Variants in STK35 observed in about 807,000 individuals in gnomAD.
STK35 encodes the protein serine/threonine kinase 35.
In STK35, 17 loss-of-function variants were observed where a neutral mutation model predicts 37.3. The observed-to-expected ratio is 0.46, with a 90% CI of 0.31 to 0.68. The LOEUF is 0.68. Among genes scored for constraint, STK35 ranks in the 30% least tolerant of loss-of-function variants. The pLI, the probability that STK35 is intolerant of heterozygous loss-of-function variation, is 0.05. For missense variants in STK35, 595 were observed against 746.7 expected (o/e 0.80, Z 2.37); for synonymous variants, 385 against 319.1 (o/e 1.21, Z -2.20).
chr20:2,141,737 G>A (rs1986175316), intron 3 of STK35, among the ~76,000 whole-genome samples: 1 of 152,138 alleles, frequency 6.6e-6, no homozygotes, highest in Admixed American at 6.5e-5. Context: ...TTATGGTCAT[G>A]CTGTGCGCTA....
At chr20:2,115,523 T>G (rs1027786101) in intron 2 of STK35, among the ~76,000 whole-genome samples, 2 of 152,096 alleles carry the variant, frequency 1.3e-5, no homozygotes, top group Non-Finnish European at 2.9e-5. Context: ...ATCAGTGAGA[T>G]AAAACATCTG....
intron 2 of STK35, among the ~76,000 whole-genome samples, chr20:2,112,051 C>T (rs1024527366): frequency 2.6e-5 from 4 of 152,248 alleles, no homozygotes; most frequent in African/African-American, 9.6e-5. Context: ...GGATGCCCCT[C>T]AGCTCACCGC....
chr20:2,104,212 C>G (rs1470569996), intron 2 of STK35, among the ~76,000 whole-genome samples: 1 of 152,122 alleles, frequency 6.6e-6, no homozygotes, highest in East Asian at 1.9e-4. Flanking sequence ...TACTCACAAG[C>G]CTTTTTCATA....
chr20:2,117,324 G>A lies in STK35; in HGVS notation c.1551G>A (p.Arg517=), dbSNP rs1329463823. ...KDMLAANPQD[R]PDAFELETRM... ...TGTTAGCTGCTAACCCACAGGACCG[G>A]CCTGATGCCTTTGAACTTGAAACCA... The change falls in exon 3 of 4, where the codon CGG becomes CGA. Residue 517 remains arginine (R), a synonymous_variant. Coordinates refer to ENST00000381482, the MANE Select transcript of STK35 (RefSeq NM_080836.4). This position sits in a 1 kb window ranked among gnomAD's most constrained non-coding sequence, Gnocchi z 4.4. The A allele has an allele frequency of 4.3e-6, 7 of 1,613,604 alleles. No homozygotes were observed. The highest frequency in any genetic ancestry group is 2.2e-5 in the South Asian group (2 of 91,072).
intron 3 of STK35, among the ~76,000 whole-genome samples, chr20:2,118,764 G>A (rs753424509): frequency 5.9e-5 from 9 of 152,224 alleles, no homozygotes; most frequent in Non-Finnish European, 1.0e-4. Context: ...ATATTATGGT[G>A]TATGTGTTAC....
chr20:2,111,976 C>T (rs189080041), intron 2 of STK35, among the ~76,000 whole-genome samples: 2 of 152,188 alleles, frequency 1.3e-5, no homozygotes, highest in South Asian at 2.1e-4. Context: ...GATCCGGGCC[C>T]GCTTCCTAGT....
chr20:2,122,172 A>G (rs748741258), intron 3 of STK35, among the ~76,000 whole-genome samples: 10 of 152,178 alleles, frequency 6.6e-5, no homozygotes, highest in Admixed American at 2.6e-4. Flanking sequence ...GGTCTCTACT[A>G]AAAATACAAA....
In STK35 at chr20:2,146,294, C is replaced by T. The variant is rs1986266234; in HGVS notation, c.*2548C>T. ...AGTTTCAGTGCCACTCTCCACTGTC[C>T]CCTTGTGGACCAGCTTCCACTCACT... On this transcript the variant is annotated 3_prime_UTR_variant, in exon 4 of 4. Coordinates refer to ENST00000381482, the MANE Select transcript of STK35 (RefSeq NM_080836.4). 1 of 152,562 alleles carries T rather than the reference C, an allele frequency of 6.6e-6. No individual in the cohort carries two copies. The highest frequency in any genetic ancestry group is 1.9e-4 in the East Asian group (1 of 5,202). The allele number at this position is 152,562 out of a possible 1,614,324, so 9.5% of individuals were successfully genotyped here. A position where few individuals can be genotyped will look rare whatever the true frequency, so the allele number is the denominator to read the frequency against.
rs573438733 is a variant in STK35 at position 2,118,646 on chromosome 20, C to T, written c.*37+1231C>T. Among the ~76,000 whole-genome samples, 19 of 152,244 alleles carry T rather than the reference C, an allele frequency of 1.2e-4. No homozygotes were observed. In the East Asian group the frequency reaches 2.5e-3, roughly 20 times the overall value. ...GTACAGTCATGCTCCGCATGAACAA[C>T]GTTTTGGTCAAAAAGGAATGGCCTA... On this transcript the variant is annotated intron_variant, in intron 3 of 3. Coordinates refer to ENST00000381482, the MANE Select transcript of STK35 (RefSeq NM_080836.4).
Position 2,102,031 on chromosome 20 carries a change from A to T in STK35, c.150A>T (p.Ala50=), listed in dbSNP as rs566288548. 1 of 1,527,636 alleles carries T rather than the reference A, an allele frequency of 6.5e-7. No homozygotes were observed. The highest frequency in any genetic ancestry group is 8.7e-7 in the Non-Finnish European group (1 of 1,143,094). 94.6% of individuals were successfully genotyped at this position (1,527,636 alleles called of 1,614,324 possible). The change falls in exon 1 of 4, where the codon GCA becomes GCT. Residue 50 remains alanine, a synonymous_variant. Coordinates refer to ENST00000381482, the MANE Select transcript of STK35 (RefSeq NM_080836.4). ...CTTCCCCAGCGAGCGCCGCGGCAGC[A>T]GAAGGATCCGCTACACGCCGGGCTC... ...AQASPASAAA[A]EGSATRRARA...
chr20:2,134,816 G>A (rs565423962), intron 3 of STK35, among the ~76,000 whole-genome samples: 44 of 152,176 alleles, frequency 2.9e-4, no homozygotes, highest in Admixed American at 1.0e-3. Context: ...GCTTGAACCC[G>A]GGAGGTGGAG....
intron 3 of STK35, among the ~76,000 whole-genome samples, chr20:2,128,389 C>T (rs1985942215): frequency 6.6e-6 from 1 of 152,156 alleles, no homozygotes; most frequent in Admixed American, 6.5e-5. Context: ...TTACCTAGCA[C>T]TGTGACTTGG....
At chr20:2,141,500 G>C (rs1228330350) in intron 3 of STK35, among the ~76,000 whole-genome samples, 1 of 152,208 alleles carries the variant, frequency 6.6e-6, no homozygotes, top group Non-Finnish European at 1.5e-5. Flanking sequence ...GCATGGAAGA[G>C]TCCAGACAAG....
chr20:2,104,560 G>A lies in STK35; in HGVS notation c.892+1195G>A, dbSNP rs147867273. Among the ~76,000 whole-genome samples, 1,263 of 152,280 alleles carry A rather than the reference G, an allele frequency of 8.3e-3. 9 individuals carry two copies. The highest frequency in any genetic ancestry group is 0.013 in the Non-Finnish European group (913 of 68,020). Reference sequence around the variant, plus strand: ...TCGAGGCCTGGATCCTTTCGAAGGCGTAATGCTGTTCTCTGCACCCTGAGG... The same window carrying A: ...TCGAGGCCTGGATCCTTTCGAAGGCATAATGCTGTTCTCTGCACCCTGAGG... On this transcript the variant is annotated intron_variant, in intron 2 of 3. Transcript: ENST00000381482.
At chr20:2,129,086 G>A (rs953899293) in intron 3 of STK35, among the ~76,000 whole-genome samples, 8 of 152,182 alleles carry the variant, frequency 5.3e-5, no homozygotes, top group African/African-American at 1.4e-4. Context: ...GCCTCCCAAA[G>A]TGCTGGGATT....
intron 1 of STK35, among the ~76,000 whole-genome samples, 187 bp downstream of exon 1, chr20:2,102,362 A>ACG (rs1355347171): frequency 7.2e-5 from 11 of 152,166 alleles, no homozygotes; most frequent in Non-Finnish European, 1.6e-4. Context: ...GCTAGGGCTT[A>ACG]ATTCAATGGA....
chr20:2,111,755 G>C (rs1263088021), intron 2 of STK35, among the ~76,000 whole-genome samples: 1 of 152,208 alleles, frequency 6.6e-6, no homozygotes, highest in African/African-American at 2.4e-5. Flanking sequence ...ATTTCTTGGA[G>C]TCTAAATCCA....
chr20:2,144,383 G>T lies in STK35; in HGVS notation c.*637G>T. Reference sequence around the variant, plus strand: ...ATGATCAGAGGTGAAGAACCGCCTGGAAGAGGAAGGCCAGGGTTTGGCCAG... The same window carrying T: ...ATGATCAGAGGTGAAGAACCGCCTGTAAGAGGAAGGCCAGGGTTTGGCCAG... On this transcript the variant is annotated 3_prime_UTR_variant, in exon 4 of 4. Transcript: ENST00000381482. 1 of 161,524 alleles carries T rather than the reference G, an allele frequency of 6.2e-6. No individual in the cohort carries two copies. Among genetic ancestry groups the T allele is most frequent in the Non-Finnish European group, 1.4e-5 (1 of 73,594 alleles). The allele number at this position is 161,524 out of a possible 1,614,324, so 10.0% of individuals were successfully genotyped here. A position where few individuals can be genotyped will look rare whatever the true frequency, so the allele number is the denominator to read the frequency against.
In STK35 at chr20:2,146,718, C is replaced by T. The variant is rs1986274927; in HGVS notation, c.*2972C>T. On this transcript the variant is annotated 3_prime_UTR_variant, in exon 4 of 4. Transcript: ENST00000381482. ...ACGGGGGAGGGATCACCCTCACCCCCAACACCCTCTTCCTGAGGGCTGTAG... is the reference window on the plus strand; with the variant it reads ...ACGGGGGAGGGATCACCCTCACCCCTAACACCCTCTTCCTGAGGGCTGTAG... 6.5e-6 allele frequency: 1 copy of T among 152,746 alleles called. No individual in the cohort carries two copies. The highest frequency in any genetic ancestry group is 1.5e-5 in the Non-Finnish European group (1 of 68,144). The allele number at this position is 152,746 out of a possible 1,614,324, so 9.5% of individuals were successfully genotyped here.
Sources: allele counts gnomAD v4.1 joint callset (sites outside exome capture counted in the v4.1 genomes callset), GRCh38; gene constraint gnomAD v4.1.1; non-coding constraint Gnocchi (gnomAD v3.1); transcripts MANE v1.5; gene names NCBI Gene and HGNC (gene_info 2026-07-23, HGNC 2026-07-21).